Variants in ACSF2 observed in about 807,000 individuals in gnomAD.
ACSF2 encodes acyl-CoA synthetase family member 2.
A neutral mutation model predicts 79.3 loss-of-function variants in ACSF2; 52 were observed. The ratio of observed to expected loss-of-function variants is 0.66; its 90% CI spans 0.53 to 0.83. The LOEUF (loss-of-function observed/expected upper bound fraction) is 0.83. Ranked by LOEUF, ACSF2 falls within the 40% of genes least tolerant of loss-of-function variation. The probability of loss-of-function intolerance (pLI) is 0.00; values close to 1 mark genes in which losing one functional copy is unlikely to be tolerated. For synonymous variants in ACSF2, 283 were observed against 312.6 expected (o/e 0.91, Z 1.00); for missense variants, 661 against 803.3 (o/e 0.82, Z 2.14).
At chr17:50,430,524 G>T (rs1486082214) in intron 1 of ACSF2, among the ~76,000 whole-genome samples, 1 of 152,166 alleles carries the variant, frequency 6.6e-6, no homozygotes, top group Admixed American at 6.5e-5. Context: ...AATTAGCTGG[G>T]CATGGTGGCG....
chr17:50,440,497 A>G (rs2030814940), intron 1 of ACSF2, among the ~76,000 whole-genome samples: 1 of 152,218 alleles, frequency 6.6e-6, no homozygotes, highest in Admixed American at 6.5e-5. Context: ...TCTCCATGGC[A>G]GACCTGTTTG....
intron 4 of ACSF2, 41 bp from the exon 5 acceptor site, chr17:50,462,143 G>T: frequency 1.3e-6 from 2 of 1,585,118 alleles, no homozygotes; most frequent in Non-Finnish European, 8.7e-7. Context: ...TCTAGTCTGG[G>T]GCTCCCCGCT....
Position 50,460,872 on chromosome 17 carries a change from G to A in ACSF2, c.324G>A (p.Glu108=). ...TGACCTTTGCCCAACTCAAGGAGGA[G>A]GTGGGTCCTGACCTGGAAACCTCAA... ...VRLTFAQLKE[E]VDKAASGLLS... Residue 108 remains glutamate, a splice_region_variant and synonymous_variant, in exon 2 of 16, where the codon GAG becomes GAA. Coordinates refer to ENST00000300441, the MANE Select transcript of ACSF2 (RefSeq NM_025149.6). 1 of 1,606,752 alleles carries A rather than the reference G, an allele frequency of 6.2e-7. No homozygotes were observed. The highest frequency in any genetic ancestry group is 8.5e-7 in the Non-Finnish European group (1 of 1,175,880).
At chr17:50,462,777 GC>G in intron 6 of ACSF2, 192 bp downstream of exon 6, 1 of 671,764 alleles carries the variant, frequency 1.5e-6, no homozygotes, top group Non-Finnish European at 2.5e-6. Context: ...CTAGCCCCCC[GC>G]CCTCTCCACT....
intron 10 of ACSF2, chr17:50,469,834 GC>G (rs1399904653): frequency 6.6e-6 from 1 of 152,326 alleles, no homozygotes; most frequent in Non-Finnish European, 1.5e-5. Context: ...AGGGGGTGGG[GC>G]AGGTCGAGGG....
In ACSF2 at chr17:50,474,611, C is replaced by A; in HGVS notation, c.*59C>A. On this transcript the variant is annotated 3_prime_UTR_variant, in exon 16 of 16. Transcript: ENST00000300441. This position sits in a 1 kb window ranked among gnomAD's most constrained non-coding sequence, Gnocchi z 4.2. ...TGACTCTCTCCTGTCAGAATGCAACCTGGCTTTATGCACCTAGATGTCCCC... is the reference window on the plus strand; with the variant it reads ...TGACTCTCTCCTGTCAGAATGCAACATGGCTTTATGCACCTAGATGTCCCC... 1 of 1,548,488 alleles carries A rather than the reference C, an allele frequency of 6.5e-7. No homozygotes were observed. Among genetic ancestry groups the A allele is most frequent in the Non-Finnish European group, 8.9e-7 (1 of 1,121,398 alleles).
intron 1 of ACSF2, among the ~76,000 whole-genome samples, chr17:50,447,406 G>A (rs2031370902): frequency 6.6e-6 from 1 of 152,000 alleles, no homozygotes; most frequent in Admixed American, 6.6e-5. Flanking sequence ...CGGATGTGGT[G>A]GTGCGCGCTT....
chr17:50,458,350 G>A (rs1283247653), intron 1 of ACSF2, among the ~76,000 whole-genome samples: 8 of 152,176 alleles, frequency 5.3e-5, no homozygotes, highest in South Asian at 4.2e-4. Flanking sequence ...TCACCCTCCC[G>A]TTCTCACAGC....
chr17:50,465,015 C>T, intron 10 of ACSF2: 1 of 455,816 alleles, frequency 2.2e-6, no homozygotes, highest in Non-Finnish European at 4.0e-6. Context: ...CGGTGGAAGG[C>T]AGAGGCCAGT....
intron 1 of ACSF2, among the ~76,000 whole-genome samples, chr17:50,442,864 TTG>T (rs2143573654): frequency 6.6e-6 from 1 of 152,324 alleles, no homozygotes; most frequent in Non-Finnish European, 1.5e-5. Context: ...TCCCAGTTCT[TTG>T]CTAAGTGGCA....
At chr17:50,426,801 C>T in intron 1 of ACSF2, 2 of 1,237,050 alleles carry the variant, frequency 1.6e-6, no homozygotes, top group South Asian at 2.7e-5. Flanking sequence ...CTCCCCGACC[C>T]AGGCCACTAA....
chr17:50,435,330 C>T (rs1198102527), intron 1 of ACSF2, among the ~76,000 whole-genome samples: 1 of 151,444 alleles, frequency 6.6e-6, no homozygotes, highest in Non-Finnish European at 1.5e-5. Context: ...AGACATGTGG[C>T]TTACAAATGT....
At chr17:50,439,176 TCCTC>T (rs2030683734) in intron 1 of ACSF2, among the ~76,000 whole-genome samples, 1 of 149,562 alleles carries the variant, frequency 6.7e-6, no homozygotes, top group African/African-American at 2.5e-5. Flanking sequence ...GCTCAAGTGA[TCCTC>T]CCAGTTCAAC....
At chr17:50,469,075 C>A (rs1355495261) in intron 10 of ACSF2, 9 of 1,234,926 alleles carry the variant, frequency 7.3e-6, no homozygotes, top group South Asian at 2.7e-5. Context: ...GGGACCGTGG[C>A]CCCCGAGCCC....
At chr17:50,461,729 A>G (rs1167927559) in intron 4 of ACSF2, 43 bp downstream of exon 4, 2 of 1,609,932 alleles carry the variant, frequency 1.2e-6, no homozygotes, top group Non-Finnish European at 1.7e-6. Flanking sequence ...GGGGCCTGGC[A>G]CAGGGGGCTG....
chr17:50,450,786 T>G (rs2031621386), intron 1 of ACSF2: 1 of 152,278 alleles, frequency 6.6e-6, no homozygotes, highest in Admixed American at 6.5e-5. Context: ...CCATACCCAT[T>G]TGACCTCTGT....
intron 1 of ACSF2, among the ~76,000 whole-genome samples, chr17:50,435,270 C>T (rs2030302913): frequency 6.6e-6 from 1 of 152,188 alleles, no homozygotes; most frequent in Non-Finnish European, 1.5e-5. Context: ...ACGTATTAAA[C>T]AGCTCAATGT....
chr17:50,463,043 C>T lies in ACSF2; in HGVS notation c.793-113C>T. 2 of 856,190 alleles carry T rather than the reference C, an allele frequency of 2.3e-6. No homozygotes were observed. The highest frequency in any genetic ancestry group is 1.6e-5 in the South Asian group (1 of 63,256). 53.0% of individuals were successfully genotyped at this position (856,190 alleles called of 1,614,324 possible). A position where few individuals can be genotyped will look rare whatever the true frequency, so the allele number is the denominator to read the frequency against. ...TTGCAAATATACTGAACAGATGGAT[C>T]TGGGGCAACAATCCCTGTCTCCTGA... On this transcript the variant is annotated intron_variant, in intron 6 of 15. Transcript: ENST00000300441. This position sits in a 1 kb window ranked among gnomAD's most constrained non-coding sequence, Gnocchi z 4.6.
intron 10 of ACSF2, chr17:50,468,578 G>T: frequency 6.2e-7 from 1 of 1,614,220 alleles, no homozygotes; most frequent in South Asian, 1.1e-5. Context: ...CAGGTGCAAT[G>T]ACACGAGGTT....
Sources: allele counts gnomAD v4.1 joint callset (sites outside exome capture counted in the v4.1 genomes callset), GRCh38; gene constraint gnomAD v4.1.1; non-coding constraint Gnocchi (gnomAD v3.1); transcripts MANE v1.5; gene names NCBI Gene and HGNC (gene_info 2026-07-23, HGNC 2026-07-21).